The following CYP4X1 variants were observed in gnomAD, a reference collection of about 807,000 sequenced individuals.
The protein encoded by CYP4X1 is cytochrome P450 4X1.
In CYP4X1, 44 loss-of-function variants were observed where a neutral mutation model predicts 57.9. The ratio of observed to expected loss-of-function variants is 0.76; its 90% confidence interval spans 0.60 to 0.98. The LOEUF is 0.98. Among genes scored for constraint, CYP4X1 ranks in the 50% least tolerant of loss-of-function variants. CYP4X1 has a pLI of 0.00. For synonymous variants in CYP4X1, 227 were observed against 228.6 expected, an observed-to-expected ratio of 0.99 and a Z score of 0.06; for missense variants, 532 against 623.9, an observed-to-expected ratio of 0.85 and a Z score of 1.57.
At chr1:47,031,023 T>C (rs1054344642) in intron 2 of CYP4X1, among the ~76,000 whole-genome samples, 4 of 152,168 alleles carry the variant, frequency 2.6e-5, no homozygotes, top group East Asian at 1.9e-4. Context: ...CACCTCCACT[T>C]TGGGGTTCAC....
rs1644354142 is a variant in CYP4X1, at chr1:47,050,710, T to A, written c.*536T>A. On this transcript the variant is annotated 3_prime_UTR_variant, in exon 12 of 12. Coordinates refer to ENST00000371901, the MANE Select transcript of CYP4X1 (RefSeq NM_178033.2). ...ATAGATGTGATCATTCCTATATTGT[T>A]ATTGATTTTTTTCACTTAATAAAAA... The A allele has an allele frequency of 6.6e-6, 1 of 152,302 alleles. No individual in the cohort carries two copies. The highest frequency in any genetic ancestry group is 2.1e-4 in the South Asian group (1 of 4,840). The allele number at this position is 152,302 out of a possible 1,614,324, so 9.4% of individuals were successfully genotyped here.
chr1:46,976,047 A>G, the CYP4X1 span, among the ~76,000 whole-genome samples: 7 of 152,018 alleles, frequency 4.6e-5, no homozygotes, highest in Non-Finnish European at 1.0e-4. Flanking sequence ...AAGATGGGTG[A>G]TTTCTGCATT....
the CYP4X1 span, among the ~76,000 whole-genome samples, chr1:46,981,790 T>C: frequency 6.6e-6 from 1 of 152,262 alleles, no homozygotes; most frequent in Non-Finnish European, 1.5e-5. Flanking sequence ...CACCATGGAA[T>C]ACTATGCAGC....
At chr1:47,002,332 G>A in the CYP4X1 span, among the ~76,000 whole-genome samples, 2 of 152,084 alleles carry the variant, frequency 1.3e-5, no homozygotes, top group South Asian at 2.1e-4. Flanking sequence ...GAATAAAATC[G>A]AATGGAATAC....
the CYP4X1 span, chr1:46,967,796 G>A: frequency 7.3e-7 from 1 of 1,363,674 alleles, no homozygotes; most frequent in Non-Finnish European, 9.7e-7. Context: ...TCAGGCAGCA[G>A]CTCAAAGCGG....
chr1:47,046,405 A>G, intron 8 of CYP4X1, 62 bp from the exon 9 acceptor site: 1 of 1,599,782 alleles, frequency 6.3e-7, no homozygotes, highest in Admixed American at 1.7e-5. Context: ...GAACAAACAG[A>G]AAACAGAAAA....
chr1:46,992,251 G>A, the CYP4X1 span, among the ~76,000 whole-genome samples: 1 of 152,234 alleles, frequency 6.6e-6, no homozygotes. Flanking sequence ...GGGAGGCAGA[G>A]GTTGAAGAAT....
chr1:46,982,445 G>C, the CYP4X1 span, among the ~76,000 whole-genome samples: 1 of 152,158 alleles, frequency 6.6e-6, no homozygotes, highest in Non-Finnish European at 1.5e-5. Flanking sequence ...AGACACTCTG[G>C]CTTCTAGAAT....
chr1:46,970,826 G>A, the CYP4X1 span, among the ~76,000 whole-genome samples: 1 of 152,176 alleles, frequency 6.6e-6, no homozygotes, highest in Non-Finnish European at 1.5e-5. Context: ...ATTACTTACA[G>A]TTTTCCTAAT....
the CYP4X1 span, among the ~76,000 whole-genome samples, chr1:46,977,550 C>A: frequency 6.6e-6 from 1 of 152,054 alleles, no homozygotes; most frequent in East Asian, 1.9e-4. Flanking sequence ...GGAAAACACT[C>A]TTCAGGATAT....
At chr1:47,019,603 TG>T (rs1304149642), upstream of CYP4X1, among the ~76,000 whole-genome samples, 1 of 152,334 alleles carries the variant, frequency 6.6e-6, no homozygotes, top group Non-Finnish European at 1.5e-5. Context: ...CACCCCAGTC[TG>T]GGCCACCATC....
chr1:47,041,683 C>T (rs559506839), intron 8 of CYP4X1, among the ~76,000 whole-genome samples: 2 of 152,174 alleles, frequency 1.3e-5, no homozygotes, highest in East Asian at 3.9e-4. Context: ...ATATTAACCC[C>T]TTATCAGATG....
the CYP4X1 span, among the ~76,000 whole-genome samples, chr1:47,009,858 C>G: frequency 6.6e-6 from 1 of 152,074 alleles, no homozygotes; most frequent in East Asian, 1.9e-4. Flanking sequence ...AAGAATAAAC[C>G]AGGAAGAAGG....
the CYP4X1 span, among the ~76,000 whole-genome samples, chr1:47,009,390 T>G: frequency 0.28 from 42,003 of 151,594 alleles, 6,101 homozygotes; most frequent in East Asian, 0.51. Context: ...ATACCAGAAT[T>G]TATGGGACAC....
chr1:47,046,737 A>G, intron 9 of CYP4X1, 137 bp downstream of exon 9: 2 of 1,287,110 alleles, frequency 1.6e-6, no homozygotes, highest in Non-Finnish European at 2.1e-6. Flanking sequence ...TTTATCACCT[A>G]TGAGGAGCTC....
chr1:46,967,059 G>A, the CYP4X1 span, among the ~76,000 whole-genome samples: 3 of 152,208 alleles, frequency 2.0e-5, no homozygotes, highest in Non-Finnish European at 4.4e-5. Context: ...TCAATTAAAT[G>A]CTATTCCAGA....
At chr1:47,005,371 G>A in the CYP4X1 span, among the ~76,000 whole-genome samples, 1 of 152,270 alleles carries the variant, frequency 6.6e-6, no homozygotes, top group East Asian at 1.9e-4. Flanking sequence ...TGGCCCCAGT[G>A]CTCTTTGGAG....
At chr1:46,975,869 T>G in the CYP4X1 span, among the ~76,000 whole-genome samples, 1 of 152,118 alleles carries the variant, frequency 6.6e-6, no homozygotes, top group Non-Finnish European at 1.5e-5. Flanking sequence ...AAAAAAATTT[T>G]TTTTCTTTAT....
In CYP4X1 at chr1:47,048,649, A is replaced by G. The variant is rs375261274; in HGVS notation, c.1272+20A>G. ...CCAAAGGTATGATTCTCTCTTGTAC[A>G]TAAATACTTCCAAGAACTAATGCTG... is the stretch of plus-strand genomic sequence containing the variant. On this transcript the variant is annotated intron_variant, in intron 10 of 11. Coordinates refer to ENST00000371901, the MANE Select transcript of CYP4X1 (RefSeq NM_178033.2). The G allele has an allele frequency of 1.2e-6, 2 of 1,601,636 alleles. No individual in the cohort carries two copies. Among genetic ancestry groups the G allele is most frequent in the African/African-American group, 1.3e-5 (1 of 74,118 alleles).
Sources: allele counts gnomAD v4.1 joint callset (sites outside exome capture counted in the v4.1 genomes callset), GRCh38; gene constraint gnomAD v4.1.1; transcripts MANE v1.5; gene names NCBI Gene and HGNC (gene_info 2026-07-23, HGNC 2026-07-21).